Variants in HEATR5B observed in about 807,000 individuals in gnomAD.
The protein encoded by HEATR5B is HEAT repeat containing 5B, also known as HEAT repeat-containing protein 5B.
HEATR5B carries 156 observed loss-of-function variants against 224.1 expected under a neutral mutation model. The ratio of observed to expected loss-of-function variants is 0.70; its 90% confidence interval spans 0.61 to 0.80. The LOEUF is 0.80. HEATR5B is among the 30% of genes least tolerant of loss of function. The probability of loss-of-function intolerance (pLI) is 0.00; values close to 1 mark genes in which losing one functional copy is unlikely to be tolerated. For missense variants in HEATR5B, 2,323 were observed against 2,535.5 expected (o/e 0.92, Z 1.80); for synonymous variants, 1,027 against 893.0 (o/e 1.15, Z -2.68).
At chr2:37,044,387 G>T (rs1237167818) in intron 18 of HEATR5B, among the ~76,000 whole-genome samples, 1 of 152,058 alleles carries the variant, frequency 6.6e-6, no homozygotes, top group African/African-American at 2.4e-5. Context: ...TTTGGGGTCT[G>T]GATTATTTTA....
chr2:37,074,625 A>G (rs1014662279), intron 5 of HEATR5B, among the ~76,000 whole-genome samples: 1 of 152,180 alleles, frequency 6.6e-6, no homozygotes, highest in Non-Finnish European at 1.5e-5. Flanking sequence ...CAGGCCACCC[A>G]TTGGGAAAAA....
chr2:37,041,874 A>C (rs961588607), intron 18 of HEATR5B, among the ~76,000 whole-genome samples: 2 of 151,764 alleles, frequency 1.3e-5, no homozygotes, highest in Non-Finnish European at 2.9e-5. Context: ...TGAAAAGCCA[A>C]GACTTATTTG....
At chr2:37,049,328 G>A (rs1400210866) in intron 18 of HEATR5B, among the ~76,000 whole-genome samples, 2 of 152,176 alleles carry the variant, frequency 1.3e-5, no homozygotes, top group Non-Finnish European at 2.9e-5. Context: ...GAAAGGGAGG[G>A]AGGAGAGAAA....
chr2:37,065,683 G>A lies in HEATR5B; in HGVS notation c.1333+72C>T, dbSNP rs796347439. ...ATGATGATGATAAGCAACTAATCAG[G>A]AATTAAATATCAATCACACTTATGA... On this transcript the variant is annotated intron_variant, in intron 9 of 35. Coordinates refer to ENST00000233099, the MANE Select transcript of HEATR5B (RefSeq NM_019024.3). 3 of 1,279,320 alleles carry A rather than the reference G, an allele frequency of 2.3e-6. No individual in the cohort carries two copies. In the African/African-American group the frequency reaches 4.5e-5, roughly 19 times the overall value. 79.2% of individuals were successfully genotyped at this position (1,279,320 alleles called of 1,614,324 possible).
rs1360392418 is a variant in HEATR5B at position 36,997,803 on chromosome 2, T to C, written c.5545+2783A>G. On this transcript the variant is annotated intron_variant, in intron 33 of 35. Coordinates refer to ENST00000233099, the MANE Select transcript of HEATR5B (RefSeq NM_019024.3). Reference sequence around the variant, plus strand: ...GGATGGTGTCGATCTCCTGACCTCATGATCCACCCGCCTTGGCCTCCCAAA... The same window carrying C: ...GGATGGTGTCGATCTCCTGACCTCACGATCCACCCGCCTTGGCCTCCCAAA... 2.6e-5 allele frequency among the ~76,000 whole-genome samples: 4 copies of C among 151,762 alleles called. No individual in the cohort carries two copies. In the East Asian group the frequency reaches 5.8e-4, roughly 22 times the overall value.
In HEATR5B at chr2:36,981,597, T is replaced by C; in HGVS notation, c.6109A>G (p.Thr2037Ala). 6.2e-7 allele frequency: 1 copy of C among 1,614,200 alleles called. No homozygotes were observed. The highest frequency in any genetic ancestry group is 8.5e-7 in the Non-Finnish European group (1 of 1,180,034). The change falls in exon 36 of 36, where the codon ACT becomes GCT. Residue 2037 changes from threonine to alanine, a missense_variant. Coordinates refer to ENST00000233099, the MANE Select transcript of HEATR5B (RefSeq NM_019024.3). ...AAPELKVRLE[T>A]AVRASQASKA... ...CTCGCTTGGCTTGCTCGAACGGCAGTTTCTAGACGCACTTTCAACTCAGGA... is the reference window on the plus strand; with the variant it reads ...CTCGCTTGGCTTGCTCGAACGGCAGCTTCTAGACGCACTTTCAACTCAGGA...
chr2:37,043,795 T>C (rs75013717), intron 18 of HEATR5B, among the ~76,000 whole-genome samples: 3,069 of 152,320 alleles, frequency 0.02, 103 homozygotes, highest in African/African-American at 0.07. Flanking sequence ...TTGTATTTTA[T>C]TTGTATCTTT....
chr2:36,983,704 G>T (rs1005548608), intron 35 of HEATR5B, among the ~76,000 whole-genome samples: 1 of 151,912 alleles, frequency 6.6e-6, no homozygotes, highest in Non-Finnish European at 1.5e-5. Context: ...CTCCAGCATG[G>T]GCGACAAAGC....
Position 37,000,649 on chromosome 2 carries a change from G to C in HEATR5B, c.5482C>G (p.Gln1828Glu), listed in dbSNP as rs1459868427. The C allele has an allele frequency of 1.9e-6, 3 of 1,614,054 alleles. No homozygotes were observed. Among genetic ancestry groups the C allele is most frequent in the Non-Finnish European group, 1.7e-6 (2 of 1,180,034 alleles). Residue 1828 changes from glutamine (Q) to glutamate (E), a missense_variant, in exon 33 of 36, where the codon CAA becomes GAA. Physicochemically the swap from Gln to Glu is conservative, Grantham distance 29 (BLOSUM62 2). This residue lies in a region of HEATR5B where 844 missense variants were observed against 812.9 expected (regional missense o/e 1.04). Transcript: ENST00000233099. ...LSMAKTEAGVQKQWTALIRST... is the reference protein window; with the variant it reads ...LSMAKTEAGVEKQWTALIRST... ...CGAATCAGAGCTGTCCACTGTTTTT[G>C]AACGCCAGCCTCAGTTTTGGCCATT...
chr2:37,062,656 T>C lies in HEATR5B; in HGVS notation c.1585-606A>G, dbSNP rs545146477. Among the ~76,000 whole-genome samples, 8 of 152,364 alleles carry C rather than the reference T, an allele frequency of 5.3e-5. No individual in the cohort carries two copies. The South Asian group carries it at 8.3e-4, about 16-fold the overall frequency. On this transcript the variant is annotated intron_variant, in intron 10 of 35. Coordinates refer to ENST00000233099, the MANE Select transcript of HEATR5B (RefSeq NM_019024.3). ...AAAACAGAAATAATAGGAATGCCTA[T>C]CTCAGCCTTGCAAGGATAAAATAAG...
chr2:37,017,732 G>A (rs1252038289), intron 26 of HEATR5B, among the ~76,000 whole-genome samples: 2 of 143,128 alleles, frequency 1.4e-5, no homozygotes, highest in African/African-American at 5.1e-5. Context: ...TAGAATCACA[G>A]ATAATGCATT....
At chr2:37,006,462 A>T (rs533493237) in intron 29 of HEATR5B, among the ~76,000 whole-genome samples, 137 of 152,268 alleles carry the variant, frequency 9.0e-4, no homozygotes, top group African/African-American at 3.2e-3. Context: ...ACCAACATGG[A>T]GAAACCCCAC....
At position 37,060,823 on chromosome 2, in the gene HEATR5B, T is replaced by C. The variant is rs182800782; in HGVS notation, c.1697-90A>G. The C allele has an allele frequency of 9.5e-5, 103 of 1,083,630 alleles. 1 individual carries two copies. In the East Asian group the frequency reaches 1.8e-3, roughly 19 times the overall value. 67.1% of individuals were successfully genotyped at this position (1,083,630 alleles called of 1,614,324 possible). On this transcript the variant is annotated intron_variant, in intron 11 of 35. Transcript: ENST00000233099. Reference sequence around the variant, plus strand: ...CAAAATGAGCCCAACACAAACTTTATGTAATTTTAGAGATGAAAATAGAGT... The same window carrying C: ...CAAAATGAGCCCAACACAAACTTTACGTAATTTTAGAGATGAAAATAGAGT...
Position 36,981,433 on chromosome 2 carries a change from G to A in HEATR5B, c.*57C>T, listed in dbSNP as rs1192310147. 1.5e-6 allele frequency: 2 copies of A among 1,304,826 alleles called. No individual in the cohort carries two copies. Among genetic ancestry groups the A allele is most frequent in the Non-Finnish European group, 2.1e-6 (2 of 937,784 alleles). The allele number at this position is 1,304,826 out of a possible 1,614,324, so 80.8% of individuals were successfully genotyped here. A position where few individuals can be genotyped will look rare whatever the true frequency, so the allele number is the denominator to read the frequency against. On this transcript the variant is annotated 3_prime_UTR_variant, in exon 36 of 36. Transcript: ENST00000233099. ...ATAGGTAGCCTGGAATGATACAGTG[G>A]CCATCACTAATTAGGGGCTAGTTGA...
rs551483164 is a variant in HEATR5B at position 37,032,071 on chromosome 2, C to T, written c.3361+558G>A. 1.3e-4 allele frequency among the ~76,000 whole-genome samples: 20 copies of T among 152,310 alleles called. No homozygotes were observed. In the South Asian group the frequency reaches 3.5e-3, roughly 27 times the overall value. On this transcript the variant is annotated intron_variant, in intron 22 of 35. Coordinates refer to ENST00000233099, the MANE Select transcript of HEATR5B (RefSeq NM_019024.3). ...TCATAGTTTTATTGGCTACTTTGGT[C>T]TTACCTTCTTAGAGGAAAAATTACA...
At chr2:37,061,821 A>C (rs1013700340) in intron 11 of HEATR5B, 118 bp downstream of exon 11, 6 of 620,532 alleles carry the variant, frequency 9.7e-6, no homozygotes, top group Non-Finnish European at 1.7e-5. Context: ...TCTTTACACC[A>C]TTTTTACAAC....
intron 2 of HEATR5B, among the ~76,000 whole-genome samples, chr2:37,079,966 T>C (rs1672454394): frequency 6.6e-6 from 1 of 152,116 alleles, no homozygotes; most frequent in Admixed American, 6.6e-5. Flanking sequence ...AAATGAATAG[T>C]ATGGGTGGTT....
chr2:37,015,953 T>G (rs1056071040), intron 26 of HEATR5B, among the ~76,000 whole-genome samples: 1 of 151,262 alleles, frequency 6.6e-6, no homozygotes, highest in Non-Finnish European at 1.5e-5. Flanking sequence ...AAGGGACAAG[T>G]AGAATAAGAA....
intron 27 of HEATR5B, among the ~76,000 whole-genome samples, chr2:37,012,066 C>A (rs1436557557): frequency 6.6e-6 from 1 of 151,872 alleles, no homozygotes. Context: ...AGATATTACA[C>A]AAAAAAGGAC....
Sources: gnomAD v4.1 joint callset for allele counts (sites outside exome capture counted in the v4.1 genomes callset) on GRCh38, gnomAD v4.1.1 for gene constraint, gnomAD v4.1.1 regional missense constraint, MANE v1.5 for transcripts, NCBI Gene and HGNC (gene_info 2026-07-23, HGNC 2026-07-21) for gene names.